CRISPLD2: variants seen among roughly 807,000 people sequenced by gnomAD.
CRISPLD2 encodes cysteine-rich secretory protein LCCL domain-containing 2.
A neutral mutation model predicts 71.1 loss-of-function variants in CRISPLD2; 47 were observed. The observed-to-expected ratio is 0.66, with a 90% confidence interval of 0.52 to 0.84. The LOEUF (loss-of-function observed/expected upper bound fraction) is 0.84, where lower values mean the gene tolerates loss of function less well. Ranked by LOEUF, CRISPLD2 falls within the 40% of genes least tolerant of loss-of-function variation. The probability of loss-of-function intolerance (pLI) is 0.00; values close to 1 mark genes in which losing one functional copy is unlikely to be tolerated. For missense variants in CRISPLD2, 830 were observed against 651.1 expected, an observed-to-expected ratio of 1.27 and a Z score of -2.99; for synonymous variants, 317 against 250.1, an observed-to-expected ratio of 1.27 and a Z score of -2.52.
At chr16:84,842,076 C>T (rs1258019707) in intron 2 of CRISPLD2, 2 of 152,536 alleles carry the variant, frequency 1.3e-5, no homozygotes, top group Non-Finnish European at 2.9e-5. Flanking sequence ...CAGGGCTACA[C>T]TGGTTTTCTG....
intron 3 of CRISPLD2, 139 bp downstream of exon 3, chr16:84,846,043 G>A: frequency 1.7e-6 from 1 of 592,330 alleles, no homozygotes; most frequent in South Asian, 2.1e-5. Context: ...CTGGGAAACT[G>A]AGGCTTGGCA....
chr16:84,885,677 A>G (rs2071606433), intron 13 of CRISPLD2, among the ~76,000 whole-genome samples: 2 of 152,366 alleles, frequency 1.3e-5, no homozygotes, highest in South Asian at 4.1e-4. Flanking sequence ...TTACTCGGTA[A>G]ATGAATCCTG....
At chr16:84,841,544 GA>G (rs11284398) in intron 2 of CRISPLD2, among the ~76,000 whole-genome samples, 9,006 of 149,396 alleles carry the variant, frequency 0.06, 488 homozygotes, top group African/African-American at 0.15. Flanking sequence ...GGGTAAAAAA[GA>G]AAAAAAAAGA....
intron 1 of CRISPLD2, among the ~76,000 whole-genome samples, chr16:84,821,592 A>C (rs1184284767): frequency 6.6e-6 from 1 of 152,088 alleles, no homozygotes; most frequent in Non-Finnish European, 1.5e-5. Context: ...TGCTTTCTTT[A>C]AGACACTTCC....
intron 12 of CRISPLD2, among the ~76,000 whole-genome samples, chr16:84,878,596 C>G (rs898765868): frequency 2.6e-5 from 4 of 152,220 alleles, no homozygotes; most frequent in African/African-American, 9.6e-5. Flanking sequence ...CTACAGGCAG[C>G]TAACCCCAAA....
chr16:84,903,994 C>T (rs1407981906), intron 14 of CRISPLD2, among the ~76,000 whole-genome samples: 1 of 152,226 alleles, frequency 6.6e-6, no homozygotes, highest in Admixed American at 6.5e-5. Context: ...GAAAACCACA[C>T]ACCTCTGGCC....
intron 1 of CRISPLD2, among the ~76,000 whole-genome samples, 197 bp downstream of exon 1, chr16:84,820,330 A>T (rs963298145): frequency 8.5e-5 from 13 of 152,116 alleles, no homozygotes; most frequent in African/African-American, 2.7e-4. Flanking sequence ...AGGACAACTC[A>T]TTTGTCCAGG....
At chr16:84,825,690 A>G in intron 1 of CRISPLD2, among the ~76,000 whole-genome samples, 1 of 152,100 alleles carries the variant, frequency 6.6e-6, no homozygotes, top group East Asian at 1.9e-4. Context: ...TGGGAGGCAG[A>G]GGCTGCAGTG....
At chr16:84,895,932 C>G (rs1364648114) in intron 14 of CRISPLD2, among the ~76,000 whole-genome samples, 3 of 152,138 alleles carry the variant, frequency 2.0e-5, no homozygotes, top group African/African-American at 7.2e-5. Flanking sequence ...AAAGGGTTAA[C>G]CAGCCCAAGG....
chr16:84,838,185 C>T (rs923586303), intron 1 of CRISPLD2, among the ~76,000 whole-genome samples: 1 of 152,142 alleles, frequency 6.6e-6, no homozygotes, highest in Non-Finnish European at 1.5e-5. Context: ...CCAGGAAGAA[C>T]TGTTCTAGGT....
chr16:84,874,517 C>T (rs994841934), intron 11 of CRISPLD2, among the ~76,000 whole-genome samples: 1 of 152,198 alleles, frequency 6.6e-6, no homozygotes, highest in African/African-American at 2.4e-5. Context: ...AGGGATGGAT[C>T]ATAGCTGCCC....
intron 13 of CRISPLD2, among the ~76,000 whole-genome samples, chr16:84,882,183 T>C (rs934353666): frequency 6.6e-6 from 1 of 151,726 alleles, no homozygotes; most frequent in Admixed American, 6.6e-5. Context: ...AACAAACACA[T>C]GAAAAGCAAG....
At chr16:84,841,439 A>G (rs539879432) in intron 2 of CRISPLD2, among the ~76,000 whole-genome samples, 6 of 152,126 alleles carry the variant, frequency 3.9e-5, no homozygotes, top group Admixed American at 6.5e-5. Context: ...GAGGTCAGAG[A>G]GGCAGGCAGG....
chr16:84,823,234 A>T (rs1201771694), intron 1 of CRISPLD2, among the ~76,000 whole-genome samples: 3 of 152,170 alleles, frequency 2.0e-5, no homozygotes, highest in African/African-American at 4.8e-5. Context: ...GCATTAATAG[A>T]CCACGTTTTG....
intron 1 of CRISPLD2, among the ~76,000 whole-genome samples, chr16:84,835,687 C>T (rs569839549): frequency 7.9e-5 from 12 of 152,310 alleles, no homozygotes; most frequent in East Asian, 7.7e-4. Flanking sequence ...GGAGGTTTCA[C>T]TAAACCCCGT....
Position 84,859,148 on chromosome 16 carries a change from C to G in CRISPLD2, c.709+4319C>G, listed in dbSNP as rs1033331691. Among the ~76,000 whole-genome samples the G allele has an allele frequency of 2.0e-5, 3 of 152,200 alleles. No homozygotes were observed. The East Asian group carries it at 5.8e-4, about 29-fold the overall frequency. On this transcript the variant is annotated intron_variant, in intron 6 of 14. Transcript: ENST00000262424. ...TGGCCTTTCCCACCATAATAGCCCT[C>G]CCTTACCTGTCAGGGAGCCAAAGTG...
intron 5 of CRISPLD2, 85 bp downstream of exon 5, chr16:84,850,768 C>A: frequency 9.9e-7 from 1 of 1,015,196 alleles, no homozygotes; most frequent in Non-Finnish European, 1.6e-6. Context: ...CTGGCTTGAG[C>A]AGCGAAGTCT....
chr16:84,852,600 G>A (rs1397221560), intron 5 of CRISPLD2, among the ~76,000 whole-genome samples: 1 of 152,168 alleles, frequency 6.6e-6, no homozygotes, highest in Non-Finnish European at 1.5e-5. Context: ...GAGCCCCTGG[G>A]CTATGCAGGA....
intron 6 of CRISPLD2, among the ~76,000 whole-genome samples, chr16:84,863,746 GA>G (rs1567692652): frequency 6.6e-6 from 1 of 152,158 alleles, no homozygotes; most frequent in African/African-American, 2.4e-5. Flanking sequence ...GAGGCGGGCA[GA>G]TCACCGAGGT....
Sources: allele counts gnomAD v4.1 joint callset (sites outside exome capture counted in the v4.1 genomes callset), GRCh38; gene constraint gnomAD v4.1.1; transcripts MANE v1.5; gene names NCBI Gene and HGNC (gene_info 2026-07-23, HGNC 2026-07-21).